JAK1: variants seen among roughly 807,000 people sequenced by gnomAD.
The protein encoded by JAK1 is tyrosine-protein kinase JAK1.
JAK1 carries 16 observed loss-of-function variants against 136.6 expected under a neutral mutation model. The ratio of observed to expected loss-of-function variants is 0.12; its 90% CI spans 0.08 to 0.18. The LOEUF is 0.18. Ranked by LOEUF, JAK1 falls within the 10% of genes least tolerant of loss-of-function variation. The pLI is 1.00. For missense variants in JAK1, 859 were observed against 1,450.1 expected (o/e 0.59, Z 6.62); for synonymous variants, 492 against 519.5 (o/e 0.95, Z 0.72).
chr1:64,895,669 A>ATT (rs1306267447), intron 1 of JAK1, among the ~76,000 whole-genome samples: 1 of 152,206 alleles, frequency 6.6e-6, no homozygotes, highest in Non-Finnish European at 1.5e-5. Flanking sequence ...TCATTTCACA[A>ATT]TAAGCTTCTC....
At chr1:64,904,451 T>C (rs1645161180) in intron 1 of JAK1, among the ~76,000 whole-genome samples, 1 of 152,148 alleles carries the variant, frequency 6.6e-6, no homozygotes, top group South Asian at 2.1e-4. Flanking sequence ...TTAAACATAG[T>C]TAAATAATAT....
At chr1:64,986,295 T>C (rs771175358) in intron 2 of JAK1, among the ~76,000 whole-genome samples, 16 of 151,960 alleles carry the variant, frequency 1.1e-4, no homozygotes, top group Non-Finnish European at 7.4e-5. Context: ...TTAGTAGAGA[T>C]AGGGTTTCAA....
At position 64,834,521 on chromosome 1, in the gene JAK1, G is replaced by A. The variant is rs747964342; in HGVS notation, c.*41C>T. 14 of 1,309,374 alleles carry A rather than the reference G, an allele frequency of 1.1e-5. No homozygotes were observed. The highest frequency in any genetic ancestry group is 1.5e-5 in the Non-Finnish European group (14 of 909,520). 81.1% of individuals were successfully genotyped at this position (1,309,374 alleles called of 1,614,324 possible). A position where few individuals can be genotyped will look rare whatever the true frequency, so the allele number is the denominator to read the frequency against. On this transcript the variant is annotated 3_prime_UTR_variant, in exon 25 of 25. Coordinates refer to ENST00000342505, the MANE Select transcript of JAK1 (RefSeq NM_002227.4). ...GACTTGGGCATTTGTTGCAGGAGAAGGACTTGATAATCTGTGGAATTTAAA... is the reference window on the plus strand; with the variant it reads ...GACTTGGGCATTTGTTGCAGGAGAAAGACTTGATAATCTGTGGAATTTAAA...
At chr1:65,008,672 CTTCTCCTTCTCT>C (rs1646823435) in intron 2 of JAK1, among the ~76,000 whole-genome samples, 1 of 151,684 alleles carries the variant, frequency 6.6e-6, no homozygotes, top group Non-Finnish European at 1.5e-5. Flanking sequence ...TTCCCTTCCC[CTTCTCCTTCTCT>C]TTCTCCTTCT....
Position 64,984,760 on chromosome 1 carries a change from T to C in JAK1, c.-78+59720A>G, listed in dbSNP as rs1646581886. The C allele has an allele frequency of 1.0e-6, 1 of 972,132 alleles. No homozygotes were observed. Among genetic ancestry groups the C allele is most frequent in the Non-Finnish European group, 1.6e-6 (1 of 637,004 alleles). 60.2% of individuals were successfully genotyped at this position (972,132 alleles called of 1,614,324 possible). A position where few individuals can be genotyped will look rare whatever the true frequency, so the allele number is the denominator to read the frequency against. On this transcript the variant is annotated intron_variant, in intron 2 of 25. Transcript: ENST00000671954. The surrounding 1 kb of genome is among the most constrained non-coding windows in gnomAD (Gnocchi z 4.1). ...CACATCTCAGGGACTTTGAAGAAGGTAAAGATCAAGAAGGTAATGAGGAAG... is the reference window on the plus strand; with the variant it reads ...CACATCTCAGGGACTTTGAAGAAGGCAAAGATCAAGAAGGTAATGAGGAAG...
At chr1:64,914,454 G>A (rs141703235) in intron 1 of JAK1, among the ~76,000 whole-genome samples, 1 of 152,178 alleles carries the variant, frequency 6.6e-6, no homozygotes, top group Non-Finnish European at 1.5e-5. Flanking sequence ...CCAAAACAAC[G>A]AAATAAACAG....
Position 64,993,451 on chromosome 1 carries a change from G to T in JAK1, c.-78+51029C>A, listed in dbSNP as rs368238264. 4.2e-4 allele frequency: 64 copies of T among 152,230 alleles called. 1 individual carries two copies. Among genetic ancestry groups the T allele is most frequent in the African/African-American group, 1.5e-3 (63 of 41,538 alleles). 9.4% of individuals were successfully genotyped at this position (152,230 alleles called of 1,614,324 possible). A position where few individuals can be genotyped will look rare whatever the true frequency, so the allele number is the denominator to read the frequency against. ...TGCCCTACACAGTGTAGGTGCTCAA[G>T]AAAGTTAGCCTGTTAGTTACCTAAC... is the stretch of plus-strand genomic sequence containing the variant. On this transcript the variant is annotated intron_variant, in intron 2 of 25. Coordinates refer to the JAK1 transcript ENST00000671954.
At chr1:64,909,211 G>GT (rs1645240693) in intron 1 of JAK1, among the ~76,000 whole-genome samples, 2 of 152,182 alleles carry the variant, frequency 1.3e-5, no homozygotes, top group Admixed American at 1.3e-4. Context: ...TCTTTTCCTA[G>GT]TTTTCGGGAA....
At chr1:64,923,341 T>G (rs1326529379) in intron 1 of JAK1, among the ~76,000 whole-genome samples, 1 of 152,230 alleles carries the variant, frequency 6.6e-6, no homozygotes, top group Non-Finnish European at 1.5e-5. Context: ...CCTTCATTAT[T>G]CTAACTCATT....
chr1:64,930,752 T>C (rs967731056), intron 1 of JAK1, among the ~76,000 whole-genome samples: 1 of 152,158 alleles, frequency 6.6e-6, no homozygotes, highest in African/African-American at 2.4e-5. Context: ...CCAACCCAAA[T>C]GCCCATCAAT....
rs866489448 is a variant in JAK1 at position 64,985,428 on chromosome 1, T to G, written c.-78+59052A>C. 1.7e-5 allele frequency: 28 copies of G among 1,608,414 alleles called. No individual in the cohort carries two copies. The Middle Eastern group carries it at 2.8e-3, about 161-fold the overall frequency. ...GCCCCACAACCACTGGAGGATCTCC[T>G]TAGCATTCTCCTCTTCTTTTCTGTT... On this transcript the variant is annotated intron_variant, in intron 2 of 25. Transcript: ENST00000671954.
At chr1:64,948,291 T>C (rs1277191090) in intron 1 of JAK1, among the ~76,000 whole-genome samples, 2 of 152,248 alleles carry the variant, frequency 1.3e-5, no homozygotes, top group African/African-American at 4.8e-5. Context: ...ATACTGAGCA[T>C]AGTGCTAGGC....
In JAK1 at chr1:64,928,793, AAAAC is replaced by A. The variant is rs1172689096; in HGVS notation, c.-78+37536_-78+37539del. Among the ~76,000 whole-genome samples, 765 of 124,602 alleles carry A rather than the reference AAAAC, an allele frequency of 6.1e-3. 18 individuals are homozygous for A. The highest frequency in any genetic ancestry group is 0.01 in the Non-Finnish European group (656 of 64,068). The allele number at this position is 124,602 out of a possible 152,430, so 81.7% of individuals were successfully genotyped here. On this transcript the variant is annotated intron_variant, in intron 1 of 24. Coordinates refer to ENST00000342505, the MANE Select transcript of JAK1 (RefSeq NM_002227.4). Reference sequence around the variant, plus strand: ...TAAAACTCTGCAAAAAAAAAAAAAAAAAACAAAAAAAAAAAACTCTGCAAAAAAA... The same window carrying A: ...TAAAACTCTGCAAAAAAAAAAAAAAAAAAAAAAAAAAACTCTGCAAAAAAA...
At chr1:65,009,936 G>C (rs1249440376) in intron 2 of JAK1, among the ~76,000 whole-genome samples, 10 of 152,196 alleles carry the variant, frequency 6.6e-5, no homozygotes, top group Non-Finnish European at 1.5e-4. Context: ...TGTCACATGA[G>C]AGAAAACTAG....
intron 3 of JAK1, among the ~76,000 whole-genome samples, chr1:64,881,486 C>T (rs1450435122): frequency 6.6e-6 from 1 of 151,950 alleles, no homozygotes; most frequent in Non-Finnish European, 1.5e-5. Context: ...CAAAACTTTA[C>T]CCCACAGAGG....
chr1:65,036,103 A>T (rs1647070830), intron 2 of JAK1, among the ~76,000 whole-genome samples: 1 of 151,976 alleles, frequency 6.6e-6, no homozygotes, highest in Non-Finnish European at 1.5e-5. Flanking sequence ...TGGGATGATG[A>T]AAAAGTTATT....
chr1:64,861,421 G>C (rs1297172533), intron 8 of JAK1, among the ~76,000 whole-genome samples: 1 of 152,168 alleles, frequency 6.6e-6, no homozygotes. Context: ...AGACACCTGT[G>C]TTGTAGATTT....
intron 2 of JAK1, among the ~76,000 whole-genome samples, chr1:65,031,200 G>T (rs1647021429): frequency 6.6e-6 from 1 of 151,608 alleles, no homozygotes; most frequent in Admixed American, 6.6e-5. Context: ...CTTTACAGTG[G>T]GGAAATATGG....
chr1:64,956,609 A>G lies in JAK1; in HGVS notation c.-78+9724T>C, dbSNP rs186993931. Among the ~76,000 whole-genome samples, 416 of 152,320 alleles carry G rather than the reference A, an allele frequency of 2.7e-3. 1 individual carries two copies. Among genetic ancestry groups the G allele is most frequent in the African/African-American group, 9.5e-3 (394 of 41,568 alleles). On this transcript the variant is annotated intron_variant, in intron 1 of 24. Coordinates refer to ENST00000342505, the MANE Select transcript of JAK1 (RefSeq NM_002227.4). ...ACCACCTGAAATTATCTTGTTTATCAATGTGTTTAACATCTTAGACTGTTG... is the reference window on the plus strand; with the variant it reads ...ACCACCTGAAATTATCTTGTTTATCGATGTGTTTAACATCTTAGACTGTTG...
Sources: allele counts gnomAD v4.1 joint callset (sites outside exome capture counted in the v4.1 genomes callset), GRCh38; gene constraint gnomAD v4.1.1; non-coding constraint Gnocchi (gnomAD v3.1); transcripts MANE v1.5; gene names NCBI Gene and HGNC (gene_info 2026-07-23, HGNC 2026-07-21).